The following KIRREL1 variants were observed in gnomAD, a reference collection of about 807,000 sequenced individuals.
KIRREL1 encodes kin of IRRE-like protein 1.
In KIRREL1, 25 loss-of-function variants were observed where a neutral mutation model predicts 83.3. The ratio of observed to expected loss-of-function variants is 0.30; its 90% CI spans 0.22 to 0.42. KIRREL1 has a LOEUF of 0.42. Ranked by LOEUF, KIRREL1 falls within the 10% of genes least tolerant of loss-of-function variation. KIRREL1 has a pLI of 1.00. For synonymous variants in KIRREL1, 388 were observed against 410.4 expected, an observed-to-expected ratio of 0.95 and a Z score of 0.66; for missense variants, 812 against 1,032.3, an observed-to-expected ratio of 0.79 and a Z score of 2.92.
intron 1 of KIRREL1, among the ~76,000 whole-genome samples, chr1:158,040,374 A>AT (rs1477049723): frequency 6.6e-6 from 1 of 152,254 alleles, no homozygotes; most frequent in Non-Finnish European, 1.5e-5. Flanking sequence ...AAAGAAAAAA[A>AT]CTGTGACTTT....
At chr1:158,042,215 GT>G (rs1660649122) in intron 1 of KIRREL1, among the ~76,000 whole-genome samples, 4 of 24,188 alleles carry the variant, frequency 1.7e-4, no homozygotes, top group East Asian at 6.8e-3. Flanking sequence ...TCTCCAGGGT[GT>G]GTGTGTGTGT....
At chr1:158,070,713 G>A (rs943709831) in intron 1 of KIRREL1, among the ~76,000 whole-genome samples, 4 of 152,156 alleles carry the variant, frequency 2.6e-5, no homozygotes, top group African/African-American at 9.7e-5. Flanking sequence ...TGTGGTGAGG[G>A]TTGTGGGCTA....
At chr1:158,009,369 C>A (rs1659607269) in intron 1 of KIRREL1, among the ~76,000 whole-genome samples, 1 of 152,204 alleles carries the variant, frequency 6.6e-6, no homozygotes, top group Non-Finnish European at 1.5e-5. Flanking sequence ...GTCTCAATTT[C>A]TTCATTGGTA....
At chr1:158,019,782 T>C (rs1659949433) in intron 1 of KIRREL1, among the ~76,000 whole-genome samples, 2 of 152,118 alleles carry the variant, frequency 1.3e-5, no homozygotes, top group African/African-American at 4.8e-5. Context: ...TCTCTCCATC[T>C]TTTTTTCCCT....
rs987213559 is a variant in KIRREL1, at chr1:158,088,211, T to A, written c.916+57T>A. 1.6e-5 allele frequency: 26 copies of A among 1,613,054 alleles called. No homozygotes were observed. In the African/African-American group the frequency reaches 3.5e-4, roughly 22 times the overall value. On this transcript the variant is annotated intron_variant, in intron 7 of 14. Coordinates refer to ENST00000359209, the MANE Select transcript of KIRREL1 (RefSeq NM_018240.7). Reference sequence around the variant, plus strand: ...GAGAGCAGGGGCCCCCAAAGGGCCTTGGACAGAGTCGGGGACTGCTCCATG... The same window carrying A: ...GAGAGCAGGGGCCCCCAAAGGGCCTAGGACAGAGTCGGGGACTGCTCCATG...
At chr1:158,066,460 C>G (rs1455302953) in intron 1 of KIRREL1, among the ~76,000 whole-genome samples, 1 of 152,176 alleles carries the variant, frequency 6.6e-6, no homozygotes, top group East Asian at 1.9e-4. Context: ...CCTTTGCTCT[C>G]TATTTCTGCC....
rs767499528 is a variant in KIRREL1, at chr1:158,089,830, A to T, written c.1272+12A>T. 26 of 1,610,198 alleles carry T rather than the reference A, an allele frequency of 1.6e-5. No individual in the cohort carries two copies. In the Admixed American group the frequency reaches 4.3e-4, roughly 27 times the overall value. ...CCCCAGACCGCATAGTGAGTGGCGG[A>T]CCTGCCTGCGGACAGCCAGCCCTCC... On this transcript the variant is annotated intron_variant, in intron 10 of 14. Coordinates refer to ENST00000359209, the MANE Select transcript of KIRREL1 (RefSeq NM_018240.7).
rs1662447306 is a variant in KIRREL1, at chr1:158,099,861, C to T, written c.*4741C>T. The T allele has an allele frequency of 6.6e-6, 1 of 152,056 alleles. No individual in the cohort carries two copies. Among genetic ancestry groups the T allele is most frequent in the South Asian group, 2.1e-4 (1 of 4,818 alleles). The allele number at this position is 152,056 out of a possible 1,614,324, so 9.4% of individuals were successfully genotyped here. ...CAGCCAAAATCCCAATACAGTAAAA[C>T]TCCACACAATCTTGTTAGCAACAGT... On this transcript the variant is annotated 3_prime_UTR_variant, in exon 15 of 15. Coordinates refer to ENST00000359209, the MANE Select transcript of KIRREL1 (RefSeq NM_018240.7).
chr1:158,003,800 T>A (rs1659436166), intron 1 of KIRREL1, among the ~76,000 whole-genome samples: 1 of 105,894 alleles, frequency 9.4e-6, no homozygotes, highest in African/African-American at 3.9e-5. Flanking sequence ...TCTCTGACTT[T>A]GAAAAAAAAA....
At chr1:158,049,990 T>C (rs1250039594) in intron 1 of KIRREL1, among the ~76,000 whole-genome samples, 1 of 152,096 alleles carries the variant, frequency 6.6e-6, no homozygotes, top group Non-Finnish European at 1.5e-5. Context: ...CTTCAAGTGA[T>C]GGTGAGCAAT....
At chr1:158,019,506 G>C (rs967590652) in intron 1 of KIRREL1, among the ~76,000 whole-genome samples, 4 of 152,040 alleles carry the variant, frequency 2.6e-5, no homozygotes, top group African/African-American at 9.7e-5. Flanking sequence ...GACTATATGG[G>C]GGTCGCATTT....
intron 5 of KIRREL1, among the ~76,000 whole-genome samples, chr1:158,087,540 C>T (rs890269727): frequency 1.3e-5 from 2 of 152,054 alleles, no homozygotes; most frequent in Non-Finnish European, 2.9e-5. Context: ...TTATTTGTCC[C>T]TTTGGTGCCT....
intron 1 of KIRREL1, among the ~76,000 whole-genome samples, chr1:158,029,597 T>G (rs1209793328): frequency 6.6e-6 from 1 of 152,200 alleles, no homozygotes; most frequent in Non-Finnish European, 1.5e-5. Context: ...TACATCTAGT[T>G]TATCTCTTAA....
At chr1:158,088,814 G>A (rs917444228) in intron 8 of KIRREL1, among the ~76,000 whole-genome samples, 4 of 152,158 alleles carry the variant, frequency 2.6e-5, no homozygotes, top group Non-Finnish European at 5.9e-5. Flanking sequence ...TGGGAGGAAG[G>A]GGTGCGGCCA....
At chr1:158,066,023 TGTTTC>T (rs1049773530) in intron 1 of KIRREL1, among the ~76,000 whole-genome samples, 13 of 152,078 alleles carry the variant, frequency 8.5e-5, no homozygotes, top group African/African-American at 3.1e-4. Flanking sequence ...TTTTTTTTTT[TGTTTC>T]TTCTTTCAGT....
intron 1 of KIRREL1, among the ~76,000 whole-genome samples, chr1:158,040,620 T>A (rs571098464): frequency 6.6e-6 from 1 of 152,322 alleles, no homozygotes; most frequent in South Asian, 2.1e-4. Flanking sequence ...GGCTTCACAG[T>A]GGAGGTGGTT....
At chr1:158,025,089 C>CT (rs1660130341) in intron 1 of KIRREL1, among the ~76,000 whole-genome samples, 1 of 152,176 alleles carries the variant, frequency 6.6e-6, no homozygotes, top group Non-Finnish European at 1.5e-5. Context: ...ACCCTGCAAA[C>CT]TGACCTGTCA....
At chr1:158,016,821 G>T (rs1468928882) in intron 1 of KIRREL1, among the ~76,000 whole-genome samples, 2 of 152,106 alleles carry the variant, frequency 1.3e-5, no homozygotes, top group African/African-American at 4.8e-5. Context: ...ACAGGGAGAG[G>T]GCTAAGCCTT....
At chr1:158,077,308 T>G (rs1661707070) in intron 2 of KIRREL1, among the ~76,000 whole-genome samples, 1 of 150,904 alleles carries the variant, frequency 6.6e-6, no homozygotes, top group African/African-American at 2.4e-5. Context: ...GGAGAGAGAG[T>G]GAGATCAATA....
Sources: allele counts gnomAD v4.1 joint callset (sites outside exome capture counted in the v4.1 genomes callset), GRCh38; gene constraint gnomAD v4.1.1; transcripts MANE v1.5; gene names NCBI Gene and HGNC (gene_info 2026-07-23, HGNC 2026-07-21).